Variants in COX6A1 observed in about 807,000 individuals in gnomAD.
The protein encoded by COX6A1 is cytochrome c oxidase subunit 6A1, mitochondrial.
Under a neutral mutation model 11.3 loss-of-function variants are expected in COX6A1, and 10 were observed. That is an observed-to-expected ratio of 0.88 (90% CI 0.54 to 1.50). The LOEUF (loss-of-function observed/expected upper bound fraction) is 1.50. Among genes scored for constraint, COX6A1 ranks in the 40% most tolerant of loss-of-function variants. The pLI is 0.00. For synonymous variants in COX6A1, 81 were observed against 60.6 expected (o/e 1.34, Z -1.57); for missense variants, 149 against 147.6 (o/e 1.01, Z -0.05).
intron 2 of COX6A1, among the ~76,000 whole-genome samples, chr12:120,439,100 A>T (rs1877652041): frequency 6.6e-6 from 1 of 152,202 alleles, no homozygotes; most frequent in Admixed American, 6.6e-5. Context: ...TTGCATAATG[A>T]AGAGACTGAC....
rs1220996831 is a variant in COX6A1, at chr12:120,438,232, A to G, written c.103+3A>G. On this transcript the variant is annotated splice_donor_region_variant and intron_variant, in intron 1 of 2. Coordinates refer to ENST00000229379, the MANE Select transcript of COX6A1 (RefSeq NM_004373.4). The stretch of plus-strand genomic sequence containing the variant: ...CGCCCATGGCGAAGAGGGCTCAGGT[A>G]CTGGGGCCGGGGTCGACGGGTCGAG... The G allele has an allele frequency of 6.2e-7, 1 of 1,613,422 alleles. No individual in the cohort carries two copies. The highest frequency in any genetic ancestry group is 1.7e-5 in the Admixed American group (1 of 59,910).
At chr12:120,438,288 G>T in intron 1 of COX6A1, 59 bp downstream of exon 1, 1 of 1,612,698 alleles carries the variant, frequency 6.2e-7, no homozygotes, top group South Asian at 1.1e-5. Flanking sequence ...GACAGGGAGG[G>T]ACTGTGACCT....
chr12:120,438,538 C>T lies in COX6A1; in HGVS notation c.246+17C>T. On this transcript the variant is annotated intron_variant, in intron 2 of 2. Transcript: ENST00000229379. ...AGGACCAAGGTACGCCCTTGTACAT[C>T]TCTTCAAGCGTCCGTTCTCTTTTCG... The T allele has an allele frequency of 6.2e-7, 1 of 1,614,208 alleles. No homozygotes were observed. Among genetic ancestry groups the T allele is most frequent in the Non-Finnish European group, 8.5e-7 (1 of 1,180,046 alleles).
rs1877700901 is a variant in COX6A1 at position 120,440,658 on chromosome 12, T to C, written c.*121T>C. 3.0e-6 allele frequency: 2 copies of C among 672,464 alleles called. No individual in the cohort carries two copies. Among genetic ancestry groups the C allele is most frequent in the African/African-American group, 1.8e-5 (1 of 55,402 alleles). The allele number at this position is 672,464 out of a possible 1,614,324, so 41.7% of individuals were successfully genotyped here. On this transcript the variant is annotated 3_prime_UTR_variant, in exon 3 of 3. Coordinates refer to ENST00000229379, the MANE Select transcript of COX6A1 (RefSeq NM_004373.4). ...GCTCACCTTCTTTACTTGTATCAAA[T>C]GATGACTGGTATACTGGTCTCCCAT...
At chr12:120,439,362 AC>A (rs1565909644) in intron 2 of COX6A1, among the ~76,000 whole-genome samples, 1 of 151,984 alleles carries the variant, frequency 6.6e-6, no homozygotes, top group African/African-American at 2.4e-5. Context: ...CACTATCTCT[AC>A]TAAAAGTACA....
chr12:120,438,440 GA>G lies in COX6A1; in HGVS notation c.167del (p.Asn56MetfsTer4), dbSNP rs2137030833. The G allele has an allele frequency of 6.2e-7, 1 of 1,614,182 alleles. No individual in the cohort carries two copies. The highest frequency in any genetic ancestry group is 8.5e-7 in the Non-Finnish European group (1 of 1,180,038). ...ALPGVAVSML[N>X]VYLKSHHGEH... ...TCCCCGGGGTGGCAGTCAGCATGCT[GA>G]ATGTGTACCTGAAGTCGCACCACGG... On this transcript the variant is annotated frameshift_variant, in exon 2 of 3. Coordinates refer to ENST00000229379, the MANE Select transcript of COX6A1 (RefSeq NM_004373.4). LOFTEE classifies it high-confidence loss of function.
Position 120,440,406 on chromosome 12 carries a change from T to C in COX6A1, c.247-48T>C, listed in dbSNP as rs781215972. On this transcript the variant is annotated intron_variant, in intron 2 of 2. Coordinates refer to ENST00000229379, the MANE Select transcript of COX6A1 (RefSeq NM_004373.4). Reference sequence around the variant, plus strand: ...TATAAGCAGTTCATGACGGTGTTCTTTCTAAATTATTTTCTGGAATTATCT... The same window carrying C: ...TATAAGCAGTTCATGACGGTGTTCTCTCTAAATTATTTTCTGGAATTATCT... The C allele has an allele frequency of 8.9e-6, 13 of 1,458,930 alleles. No individual in the cohort carries two copies. In the South Asian group the frequency reaches 1.5e-4, roughly 17 times the overall value. The allele number at this position is 1,458,930 out of a possible 1,614,324, so 90.4% of individuals were successfully genotyped here.
chr12:120,438,404 C>T lies in COX6A1; in HGVS notation c.129C>T (p.Phe43=), dbSNP rs776541523. 9 of 1,614,124 alleles carry T rather than the reference C, an allele frequency of 5.6e-6. No homozygotes were observed. The change falls in exon 2 of 3, where the codon TTC becomes TTT. Residue 43 remains phenylalanine, a synonymous_variant. Coordinates refer to ENST00000229379, the MANE Select transcript of COX6A1 (RefSeq NM_004373.4). ...CTCGCATGTGGAAGACTCTCACCTT[C>T]TTCGTCGCGCTCCCCGGGGTGGCAG... The part of the protein sequence containing the change: ...GSARMWKTLT[F]FVALPGVAVS...
At chr12:120,440,419 T>C in intron 2 of COX6A1, 35 bp from the exon 3 acceptor site, 2 of 1,519,400 alleles carry the variant, frequency 1.3e-6, no homozygotes, top group Non-Finnish European at 1.8e-6. Context: ...TAAATTATTT[T>C]CTGGAATTAT....
intron 2 of COX6A1, chr12:120,438,788 CTTTTTTTT>C (rs376239130): frequency 5.1e-4 from 61 of 120,074 alleles, no homozygotes; most frequent in East Asian, 3.5e-3. Context: ...TGAGACAGTT[CTTTTTTTT>C]TTTTTTTTTT....
At chr12:120,438,828 T>C in intron 2 of COX6A1, 1 of 285,332 alleles carries the variant, frequency 3.5e-6, no homozygotes, top group East Asian at 1.0e-4. Context: ...TCTGAGACAG[T>C]TCTGAAACAG....
In COX6A1 at chr12:120,438,512, C is replaced by G; in HGVS notation, c.237C>G (p.Ile79Met). 1 of 1,614,220 alleles carries G rather than the reference C, an allele frequency of 6.2e-7. No individual in the cohort carries two copies. Among genetic ancestry groups the G allele is most frequent in the East Asian group, 2.2e-5 (1 of 44,886 alleles). The change falls in exon 2 of 3, where the codon ATC becomes ATG. Residue 79 changes from isoleucine (I) to methionine (M), a missense_variant. Coordinates refer to ENST00000229379, the MANE Select transcript of COX6A1 (RefSeq NM_004373.4). ...PEFIAYPHLR[I>M]RTKPFPWGDG... is the part of the protein sequence containing the mutation. ...TCATCGCCTACCCCCATCTCCGCAT[C>G]AGGACCAAGGTACGCCCTTGTACAT...
intron 1 of COX6A1, 61 bp downstream of exon 1, chr12:120,438,290 C>T: frequency 1.2e-6 from 2 of 1,612,756 alleles, no homozygotes; most frequent in South Asian, 1.1e-5. Context: ...CAGGGAGGGA[C>T]TGTGACCTTG....
intron 2 of COX6A1, 70 bp from the exon 3 acceptor site, chr12:120,440,383 TA>T: frequency 8.3e-7 from 1 of 1,199,900 alleles, no homozygotes; most frequent in Non-Finnish European, 1.2e-6. Flanking sequence ...CACCCCGTTA[TA>T]AGCAGTTCAT....
intron 2 of COX6A1, among the ~76,000 whole-genome samples, chr12:120,439,691 G>A (rs986415257): frequency 1.3e-5 from 2 of 152,014 alleles, no homozygotes; most frequent in Non-Finnish European, 2.9e-5. Flanking sequence ...GTCTTTGAGC[G>A]GCACTCCCAT....
rs753273273 is a variant in COX6A1 at position 120,438,431 on chromosome 12, C to A, written c.156C>A (p.Val52=). Residue 52 remains valine, a synonymous_variant, in exon 2 of 3, where the codon GTC becomes GTA. Transcript: ENST00000229379. ...TCGTCGCGCTCCCCGGGGTGGCAGT[C>A]AGCATGCTGAATGTGTACCTGAAGT... The part of the protein sequence containing the change: ...TFFVALPGVA[V]SMLNVYLKSH... The A allele has an allele frequency of 6.8e-6, 11 of 1,614,216 alleles. No individual in the cohort carries two copies. Among genetic ancestry groups the A allele is most frequent in the Non-Finnish European group, 1.7e-6 (2 of 1,180,024 alleles).
At chr12:120,439,011 C>T (rs1036342452) in intron 2 of COX6A1, among the ~76,000 whole-genome samples, 1 of 152,192 alleles carries the variant, frequency 6.6e-6, no homozygotes, top group East Asian at 1.9e-4. Flanking sequence ...GCACTCCGGC[C>T]TGGGCAACAG....
intron 2 of COX6A1, among the ~76,000 whole-genome samples, chr12:120,439,552 A>G (rs1026264524): frequency 2.0e-5 from 3 of 152,108 alleles, no homozygotes; most frequent in East Asian, 1.9e-4. Flanking sequence ...TAGTAATAAT[A>G]TACTTGATCT....
intron 2 of COX6A1, among the ~76,000 whole-genome samples, chr12:120,439,472 C>T (rs989079551): frequency 6.6e-6 from 1 of 152,010 alleles, no homozygotes; most frequent in Non-Finnish European, 1.5e-5. Context: ...GAGGAGGTTG[C>T]AGTGAGCCAA....
Sources: allele counts gnomAD v4.1 joint callset (sites outside exome capture counted in the v4.1 genomes callset), GRCh38; gene constraint gnomAD v4.1.1; transcripts MANE v1.5; gene names NCBI Gene and HGNC (gene_info 2026-07-23, HGNC 2026-07-21).